Variants in ATE1 observed in about 807,000 individuals in gnomAD.
The protein encoded by ATE1 is arginyl-tRNA--protein transferase 1.
A neutral mutation model predicts 70.5 loss-of-function variants in ATE1; 36 were observed. The observed-to-expected ratio is 0.51, with a 90% confidence interval of 0.39 to 0.67. The LOEUF (loss-of-function observed/expected upper bound fraction) is 0.67. Ranked by LOEUF, ATE1 falls within the 30% of genes least tolerant of loss-of-function variation. ATE1 has a pLI of 0.00. For synonymous variants in ATE1, 232 were observed against 219.3 expected (o/e 1.06, Z -0.51); for missense variants, 593 against 629.5 (o/e 0.94, Z 0.62).
chr10:121,877,964 C>T (rs888026030), intron 7 of ATE1, among the ~76,000 whole-genome samples: 1 of 152,188 alleles, frequency 6.6e-6, no homozygotes. Context: ...TCGTAACAGG[C>T]AAAAGCTGTC....
chr10:121,780,745 TC>T (rs1945950531), intron 11 of ATE1, among the ~76,000 whole-genome samples: 1 of 152,306 alleles, frequency 6.6e-6, no homozygotes, highest in East Asian at 1.9e-4. Flanking sequence ...TTCTGTTCCA[TC>T]CCCTGTTGAA....
At chr10:121,823,852 C>T (rs143664969) in intron 10 of ATE1, among the ~76,000 whole-genome samples, 1 of 152,274 alleles carries the variant, frequency 6.6e-6, no homozygotes, top group African/African-American at 2.4e-5. Flanking sequence ...AAGTTTTATA[C>T]ACCTTATCAT....
At chr10:121,853,250 C>G (rs903299303) in intron 8 of ATE1, among the ~76,000 whole-genome samples, 1 of 150,968 alleles carries the variant, frequency 6.6e-6, no homozygotes, top group African/African-American at 2.4e-5. Flanking sequence ...TGTAGTCCCA[C>G]CTACTCGGGA....
chr10:121,875,304 T>G (rs1487383016), intron 7 of ATE1, among the ~76,000 whole-genome samples: 4 of 29,822 alleles, frequency 1.3e-4, no homozygotes, highest in African/African-American at 2.7e-4. Flanking sequence ...TTTGGTTTTT[T>G]TTTGTTTTTT....
intron 7 of ATE1, chr10:121,898,952 G>A: frequency 6.2e-7 from 1 of 1,613,750 alleles, no homozygotes; most frequent in Non-Finnish European, 8.5e-7. Context: ...CCTCAAAGGA[G>A]ACAGGTACTA....
intron 7 of ATE1, among the ~76,000 whole-genome samples, chr10:121,886,628 T>A (rs770605461): frequency 3.3e-5 from 5 of 152,234 alleles, no homozygotes; most frequent in Admixed American, 2.6e-4. Flanking sequence ...TAAATGTATG[T>A]ATAGCTCACA....
chr10:121,864,373 C>T (rs1401291215), intron 8 of ATE1, among the ~76,000 whole-genome samples: 1 of 152,208 alleles, frequency 6.6e-6, no homozygotes, highest in African/African-American at 2.4e-5. Flanking sequence ...TCTAATACCA[C>T]AGCACATCTG....
intron 8 of ATE1, among the ~76,000 whole-genome samples, chr10:121,844,081 CAAGAA>C (rs1269595704): frequency 6.6e-6 from 1 of 152,182 alleles, no homozygotes; most frequent in African/African-American, 2.4e-5. Flanking sequence ...AATTCAACAA[CAAGAA>C]CACAAACTAC....
At chr10:121,760,741 A>AAGACT in intron 11 of ATE1, among the ~76,000 whole-genome samples, 1 of 152,354 alleles carries the variant, frequency 6.6e-6, no homozygotes, top group Admixed American at 6.5e-5. Context: ...ATGATCTGAG[A>AAGACT]AGACTGACTC....
chr10:121,805,557 C>T (rs1211602334), intron 10 of ATE1, among the ~76,000 whole-genome samples: 3 of 152,168 alleles, frequency 2.0e-5, no homozygotes, highest in Non-Finnish European at 4.4e-5. Flanking sequence ...GAACGCAGCT[C>T]TCGTGTCTGA....
chr10:121,849,211 CAAAA>C (rs35330521), intron 8 of ATE1, among the ~76,000 whole-genome samples: 2 of 140,784 alleles, frequency 1.4e-5, no homozygotes, highest in African/African-American at 2.7e-5. Context: ...AACTCCATCT[CAAAA>C]AAAAAAAAAA....
At chr10:121,789,930 G>C (rs973061537) in intron 11 of ATE1, among the ~76,000 whole-genome samples, 1 of 109,964 alleles carries the variant, frequency 9.1e-6, no homozygotes, top group Admixed American at 1.1e-4. Context: ...CTAATCTAAT[G>C]GGAGAAGCTA....
intron 10 of ATE1, among the ~76,000 whole-genome samples, chr10:121,815,431 G>A (rs983469113): frequency 7.2e-5 from 11 of 152,176 alleles, no homozygotes; most frequent in African/African-American, 2.4e-4. Flanking sequence ...CACCGCGCCC[G>A]GCCGGGAATG....
At chr10:121,874,936 C>T (rs1021602767) in intron 7 of ATE1, among the ~76,000 whole-genome samples, 6 of 150,434 alleles carry the variant, frequency 4.0e-5, no homozygotes, top group Middle Eastern at 3.2e-3. Context: ...GTCAGGAGAT[C>T]GAGACCATCC....
intron 11 of ATE1, among the ~76,000 whole-genome samples, chr10:121,776,175 C>T (rs954450438): frequency 2.6e-5 from 4 of 152,180 alleles, no homozygotes; most frequent in African/African-American, 9.7e-5. Context: ...GTGTTAGGAA[C>T]ATTCCAATTC....
intron 2 of ATE1, 143 bp downstream of exon 2, chr10:121,924,123 G>C: frequency 1.5e-6 from 1 of 662,326 alleles, no homozygotes; most frequent in Non-Finnish European, 2.6e-6. Flanking sequence ...TTTTTAAAAA[G>C]GAGACAAAAA....
chr10:121,830,722 A>G (rs1426808207), intron 10 of ATE1, among the ~76,000 whole-genome samples: 1 of 152,176 alleles, frequency 6.6e-6, no homozygotes, highest in South Asian at 2.1e-4. Context: ...TGAAGACCCA[A>G]AAGTATTCCC....
At chr10:121,786,323 G>A (rs541025759) in intron 11 of ATE1, among the ~76,000 whole-genome samples, 2 of 143,976 alleles carry the variant, frequency 1.4e-5, no homozygotes, top group East Asian at 2.1e-4. Flanking sequence ...TATCTATTAC[G>A]GCTCTAAACC....
At chr10:121,819,872 G>C (rs1017178278) in intron 10 of ATE1, among the ~76,000 whole-genome samples, 1 of 151,486 alleles carries the variant, frequency 6.6e-6, no homozygotes, top group African/African-American at 2.4e-5. Context: ...CAGGCCGGGC[G>C]TGGTGGCTCA....
Sources: gnomAD v4.1 joint callset for allele counts (sites outside exome capture counted in the v4.1 genomes callset) on GRCh38, gnomAD v4.1.1 for gene constraint, MANE v1.5 for transcripts, NCBI Gene and HGNC (gene_info 2026-07-23, HGNC 2026-07-21) for gene names.